The following GRIK3 variants were observed in gnomAD, a reference collection of about 807,000 sequenced individuals.
The protein encoded by GRIK3 is glutamate ionotropic receptor kainate type subunit 3, also known as glutamate receptor ionotropic, kainate 3.
A neutral mutation model predicts 102.5 loss-of-function variants in GRIK3; 29 were observed. That is an observed-to-expected ratio of 0.28 (90% CI 0.21 to 0.39). GRIK3 has a LOEUF of 0.39. Among genes scored for constraint, GRIK3 ranks in the 10% least tolerant of loss-of-function variants. The pLI, the probability that GRIK3 is intolerant of heterozygous loss-of-function variation, is 1.00. For synonymous variants in GRIK3, 511 were observed against 504.9 expected (o/e 1.01, Z -0.16); for missense variants, 908 against 1,252.4 (o/e 0.73, Z 4.15).
intron 1 of GRIK3, among the ~76,000 whole-genome samples, chr1:36,937,262 C>T (rs966804048): frequency 9.2e-5 from 14 of 152,120 alleles, no homozygotes; most frequent in African/African-American, 2.4e-4. Flanking sequence ...CATGGTGCCA[C>T]GCCCTCGAGT....
chr1:37,033,887 C>A, intron 1 of GRIK3, 107 bp downstream of exon 1: 1 of 590,950 alleles, frequency 1.7e-6, no homozygotes, highest in Non-Finnish European at 3.0e-6. Context: ...ATCGGCTCAG[C>A]AGCTCGGAGA....
chr1:37,032,611 A>T (rs1642840337), intron 1 of GRIK3, among the ~76,000 whole-genome samples: 1 of 152,184 alleles, frequency 6.6e-6, no homozygotes. Context: ...CAAAGGGTTA[A>T]GCCTGACCAT....
chr1:37,027,321 G>C (rs1302050720), intron 1 of GRIK3, among the ~76,000 whole-genome samples: 4 of 152,152 alleles, frequency 2.6e-5, no homozygotes, highest in Non-Finnish European at 5.9e-5. Context: ...CTCAAACCCA[G>C]TCCCCTGGCC....
At chr1:36,997,401 C>T (rs1267643966) in intron 1 of GRIK3, among the ~76,000 whole-genome samples, 3 of 152,210 alleles carry the variant, frequency 2.0e-5, no homozygotes, top group African/African-American at 4.8e-5. Flanking sequence ...ATTTTTAAGG[C>T]AGTAAAGCTG....
chr1:36,845,822 T>C (rs1171635722), intron 9 of GRIK3, among the ~76,000 whole-genome samples: 1 of 152,184 alleles, frequency 6.6e-6, no homozygotes, highest in African/African-American at 2.4e-5. Flanking sequence ...CAGCCTGGGA[T>C]AGTTCTCCCA....
intron 1 of GRIK3, among the ~76,000 whole-genome samples, chr1:36,962,438 C>A (rs934439433): frequency 6.6e-6 from 1 of 151,960 alleles, no homozygotes; most frequent in African/African-American, 2.4e-5. Flanking sequence ...CTCAGCCCCA[C>A]GCCGCTTTTC....
At chr1:36,930,809 G>A (rs1641579684) in intron 1 of GRIK3, among the ~76,000 whole-genome samples, 1 of 152,198 alleles carries the variant, frequency 6.6e-6, no homozygotes, top group Non-Finnish European at 1.5e-5. Context: ...CACTATCCAA[G>A]GGAACAATAG....
Position 36,880,839 on chromosome 1 carries a change from G to C in GRIK3, c.345C>G (p.Gly115=). ...GVVAIFGPSQ[G]SCTNAVQSIC... is the part of the protein sequence containing the mutation. ...TGGACTGGACGGCATTGGTGCAGGAGCCCTGTGATGGGCCGAAGATCGCCA... is the reference window on the plus strand; with the variant it reads ...TGGACTGGACGGCATTGGTGCAGGACCCCTGTGATGGGCCGAAGATCGCCA... Residue 115 remains glycine (G), a synonymous_variant, in exon 3 of 16, where the codon GGC becomes GGG. Coordinates refer to ENST00000373091, the MANE Select transcript of GRIK3 (RefSeq NM_000831.4). This position sits in a 1 kb window ranked among gnomAD's most constrained non-coding sequence, Gnocchi z 5.4. 6.2e-7 allele frequency: 1 copy of C among 1,613,968 alleles called. No individual in the cohort carries two copies. Among genetic ancestry groups the C allele is most frequent in the East Asian group, 2.2e-5 (1 of 44,876 alleles).
intron 1 of GRIK3, among the ~76,000 whole-genome samples, chr1:36,901,959 TAGAAACA>T (rs1413370268): frequency 2.6e-5 from 4 of 152,136 alleles, no homozygotes; most frequent in African/African-American, 9.7e-5. Flanking sequence ...GAATTTGAAA[TAGAAACA>T]AGATCACTTA....
At chr1:36,975,288 GTTTTT>G (rs61125066) in intron 1 of GRIK3, among the ~76,000 whole-genome samples, 7 of 113,372 alleles carry the variant, frequency 6.2e-5, no homozygotes, top group East Asian at 4.4e-4. Context: ...TCTAAAGTTG[GTTTTT>G]TTTTTTTTTT....
chr1:36,957,476 G>GCATGTGTGCCCCATGAC (rs1557440416), intron 1 of GRIK3, among the ~76,000 whole-genome samples: 1 of 32,382 alleles, frequency 3.1e-5, no homozygotes, highest in Admixed American at 3.6e-4. Flanking sequence ...TGCTCTGTGA[G>GCATGTGTGCCCCATGAC]TCTGTGCCCC....
intron 8 of GRIK3, among the ~76,000 whole-genome samples, chr1:36,852,999 G>A (rs942745210): frequency 6.6e-6 from 1 of 152,198 alleles, no homozygotes; most frequent in Non-Finnish European, 1.5e-5. Context: ...GGAGGCCCCA[G>A]CCCCAGGCAG....
chr1:37,010,727 CTTTTTTTTTT>C (rs60750637), intron 1 of GRIK3, among the ~76,000 whole-genome samples: 17 of 102,488 alleles, frequency 1.7e-4, no homozygotes, highest in South Asian at 3.3e-4. Flanking sequence ...ACCTGTACCA[CTTTTTTTTTT>C]TTTTTTTTTT....
chr1:36,853,829 C>A, intron 7 of GRIK3, 107 bp from the exon 8 acceptor site: 1 of 691,736 alleles, frequency 1.4e-6, no homozygotes, highest in Non-Finnish European at 2.7e-6. Context: ...GATACTGTTC[C>A]CCCAAGACCA....
At chr1:36,940,834 C>T (rs1483246446) in intron 1 of GRIK3, among the ~76,000 whole-genome samples, 7 of 152,212 alleles carry the variant, frequency 4.6e-5, no homozygotes, top group African/African-American at 1.7e-4. Flanking sequence ...CAGCCACATC[C>T]CCAGCACAAG....
intron 1 of GRIK3, among the ~76,000 whole-genome samples, chr1:36,992,045 G>C (rs1412882982): frequency 6.6e-6 from 1 of 152,186 alleles, no homozygotes; most frequent in Non-Finnish European, 1.5e-5. Flanking sequence ...CCAGGAGAAA[G>C]CCCGACTCCT....
rs1640853483 is a variant in GRIK3 at position 36,872,461 on chromosome 1, A to G, written c.551-92T>C. On this transcript the variant is annotated intron_variant, in intron 3 of 15. Coordinates refer to ENST00000373091, the MANE Select transcript of GRIK3 (RefSeq NM_000831.4). This position sits in a 1 kb window ranked among gnomAD's most constrained non-coding sequence, Gnocchi z 5.9. ...TGGACTTGTGTGCACACACATGCCC[A>G]TGGCCACAGGTCTGCAGACATACAC... 1 of 1,035,504 alleles carries G rather than the reference A, an allele frequency of 9.7e-7. No individual in the cohort carries two copies. Among genetic ancestry groups the G allele is most frequent in the Non-Finnish European group, 1.4e-6 (1 of 713,616 alleles). 64.1% of individuals were successfully genotyped at this position (1,035,504 alleles called of 1,614,324 possible). A position where few individuals can be genotyped will look rare whatever the true frequency, so the allele number is the denominator to read the frequency against.
At chr1:36,810,730 G>C (rs1642551887) in intron 13 of GRIK3, among the ~76,000 whole-genome samples, 2 of 152,210 alleles carry the variant, frequency 1.3e-5, no homozygotes, top group Non-Finnish European at 2.9e-5. Context: ...CTCTGAGTGT[G>C]GAATCTTTGG....
intron 1 of GRIK3, among the ~76,000 whole-genome samples, chr1:37,021,207 A>G (rs953661347): frequency 6.6e-6 from 1 of 151,914 alleles, no homozygotes; most frequent in African/African-American, 2.4e-5. Flanking sequence ...GGACCCATAC[A>G]GTTGTCTGTT....
Sources: gnomAD v4.1 joint callset for allele counts (sites outside exome capture counted in the v4.1 genomes callset) on GRCh38, gnomAD v4.1.1 for gene constraint, Gnocchi (gnomAD v3.1) non-coding constraint, MANE v1.5 for transcripts, NCBI Gene and HGNC (gene_info 2026-07-23, HGNC 2026-07-21) for gene names.